The following CNNM2 variants were observed in gnomAD, a reference collection of about 807,000 sequenced individuals.
The protein encoded by CNNM2 is cyclin and CBS domain divalent metal cation transport mediator 2, also known as metal transporter CNNM2.
In CNNM2, 12 loss-of-function variants were observed where a neutral mutation model predicts 66.9. That is an observed-to-expected ratio of 0.18 (90% CI 0.11 to 0.29). The LOEUF is 0.29. Among genes scored for constraint, CNNM2 ranks in the 10% least tolerant of loss-of-function variants. The probability of loss-of-function intolerance (pLI) is 1.00; values close to 1 mark genes in which losing one functional copy is unlikely to be tolerated. For synonymous variants in CNNM2, 557 were observed against 501.8 expected (o/e 1.11, Z -1.47); for missense variants, 705 against 1,167.7 (o/e 0.60, Z 5.77).
At chr10:102,939,746 G>A (rs1846359571) in intron 1 of CNNM2, among the ~76,000 whole-genome samples, 2 of 152,026 alleles carry the variant, frequency 1.3e-5, no homozygotes, top group East Asian at 1.9e-4. Context: ...TGGTATGGAC[G>A]AATCACCTGA....
chr10:102,996,064 A>C (rs554261274), intron 1 of CNNM2, among the ~76,000 whole-genome samples: 2 of 152,184 alleles, frequency 1.3e-5, no homozygotes, highest in African/African-American at 4.8e-5. Flanking sequence ...GTGTGTATAG[A>C]ATTATCGTAT....
Position 102,918,346 on chromosome 10 carries a change from G to A in CNNM2, c.-135G>A, listed in dbSNP as rs1845485418. ...CGGGGTTCCTCAGCTGGCTGAGGTG[G>A]AGTCAGTGTCAGTCAGGGAGGCGAA... On this transcript the variant is annotated 5_prime_UTR_variant, in exon 1 of 8. Coordinates refer to ENST00000369878, the MANE Select transcript of CNNM2 (RefSeq NM_017649.5). The surrounding 1 kb of genome is among the most constrained non-coding windows in gnomAD (Gnocchi z 4.1). 1.4e-6 allele frequency: 2 copies of A among 1,412,262 alleles called. No individual in the cohort carries two copies. The highest frequency in any genetic ancestry group is 1.5e-5 in the African/African-American group (1 of 67,254). The allele number at this position is 1,412,262 out of a possible 1,614,324, so 87.5% of individuals were successfully genotyped here. A position where few individuals can be genotyped will look rare whatever the true frequency, so the allele number is the denominator to read the frequency against.
At chr10:103,024,986 A>G (rs991424242) in intron 1 of CNNM2, among the ~76,000 whole-genome samples, 1 of 152,204 alleles carries the variant, frequency 6.6e-6, no homozygotes, top group African/African-American at 2.4e-5. Context: ...TTTGGTGTGC[A>G]ATACTTTAGG....
At chr10:102,921,697 G>A (rs1411676026) in intron 1 of CNNM2, among the ~76,000 whole-genome samples, 1 of 151,872 alleles carries the variant, frequency 6.6e-6, no homozygotes, top group Non-Finnish European at 1.5e-5. Flanking sequence ...AGATATATTG[G>A]GATGTTTGGA....
At chr10:103,068,537 G>T in intron 4 of CNNM2, 92 bp from the exon 5 acceptor site, 2 of 1,055,930 alleles carry the variant, frequency 1.9e-6, no homozygotes, top group South Asian at 1.4e-5. Flanking sequence ...AAAGAAATCA[G>T]ACAAAAATCT....
intron 1 of CNNM2, among the ~76,000 whole-genome samples, chr10:102,972,905 T>C (rs2063567928): frequency 6.6e-6 from 1 of 152,174 alleles, no homozygotes; most frequent in Non-Finnish European, 1.5e-5. Flanking sequence ...TACAATCAAG[T>C]TTCTTTATCT....
intron 6 of CNNM2, among the ~76,000 whole-genome samples, chr10:103,074,982 C>T (rs1020331634): frequency 7.9e-5 from 12 of 152,114 alleles, no homozygotes; most frequent in African/African-American, 2.9e-4. Flanking sequence ...TTAAGGAGAC[C>T]ATCACTCTCT....
chr10:102,934,279 CT>C (rs35361809), intron 1 of CNNM2, among the ~76,000 whole-genome samples: 28 of 133,662 alleles, frequency 2.1e-4, no homozygotes, highest in South Asian at 2.4e-4. Context: ...TTCTTTCTTT[CT>C]TTTTTTTTTT....
intron 1 of CNNM2, among the ~76,000 whole-genome samples, chr10:103,010,910 G>A (rs977392966): frequency 6.6e-6 from 1 of 152,134 alleles, no homozygotes; most frequent in South Asian, 2.1e-4. Context: ...ACCGTGCCTG[G>A]CCGTGATATT....
At chr10:103,020,229 C>T (rs1390603054) in intron 1 of CNNM2, among the ~76,000 whole-genome samples, 4 of 151,796 alleles carry the variant, frequency 2.6e-5, no homozygotes, top group Admixed American at 2.6e-4. Flanking sequence ...GATCTCAGCT[C>T]ACTGCAACCT....
intron 1 of CNNM2, among the ~76,000 whole-genome samples, chr10:102,936,279 A>G (rs956129371): frequency 4.6e-5 from 7 of 152,192 alleles, no homozygotes; most frequent in African/African-American, 1.7e-4. Context: ...ATTAAAACTA[A>G]AAACAACTAG....
chr10:103,085,308 A>AT lies in CNNM2; in HGVS notation c.*8129dup, dbSNP rs1320438423. ...GGTCCAAAAAGTGACTTGTTTAAAG[A>AT]TACCCACACACTCAAGTCAAAGATA... On this transcript the variant is annotated 3_prime_UTR_variant, in exon 8 of 8. Coordinates refer to ENST00000369878, the MANE Select transcript of CNNM2 (RefSeq NM_017649.5). 1 of 152,192 alleles carries AT rather than the reference A, an allele frequency of 6.6e-6. No homozygotes were observed. The highest frequency in any genetic ancestry group is 1.5e-5 in the Non-Finnish European group (1 of 68,028). The allele number at this position is 152,192 out of a possible 1,614,324, so 9.4% of individuals were successfully genotyped here.
chr10:102,940,069 TGAAG>T (rs1477062904), intron 1 of CNNM2, among the ~76,000 whole-genome samples: 3 of 152,160 alleles, frequency 2.0e-5, no homozygotes, highest in Non-Finnish European at 2.9e-5. Flanking sequence ...TCAGGTAACT[TGAAG>T]TACATATGAA....
chr10:103,003,993 T>TC (rs1165916343), intron 1 of CNNM2, among the ~76,000 whole-genome samples: 1 of 127,998 alleles, frequency 7.8e-6, no homozygotes, highest in East Asian at 2.4e-4. Flanking sequence ...GAATTTTTTT[T>TC]TTTTTTTTTT....
chr10:102,986,544 A>G (rs2063800295), intron 1 of CNNM2, among the ~76,000 whole-genome samples: 1 of 152,070 alleles, frequency 6.6e-6, no homozygotes, highest in Admixed American at 6.6e-5. Flanking sequence ...GTACTTTGGG[A>G]GGCCGAGGTG....
At chr10:103,057,003 G>A in intron 4 of CNNM2, 39 bp downstream of exon 4, 2 of 1,577,764 alleles carry the variant, frequency 1.3e-6, no homozygotes, top group Non-Finnish European at 1.7e-6. Context: ...CTCTCACTGA[G>A]TATCCATCTT....
At chr10:102,942,545 A>G (rs532572477) in intron 1 of CNNM2, among the ~76,000 whole-genome samples, 124 of 152,250 alleles carry the variant, frequency 8.1e-4, no homozygotes, top group African/African-American at 2.6e-3. Context: ...TATGTGCCAC[A>G]TTTTGTTTAT....
At chr10:103,074,705 A>G (rs1240800427) in intron 6 of CNNM2, among the ~76,000 whole-genome samples, 1 of 152,086 alleles carries the variant, frequency 6.6e-6, no homozygotes, top group Admixed American at 6.5e-5. Context: ...ATGGTGGCAC[A>G]TGCCTATAGT....
chr10:103,067,906 G>T (rs1256269778), intron 4 of CNNM2, among the ~76,000 whole-genome samples: 1 of 152,220 alleles, frequency 6.6e-6, no homozygotes, highest in African/African-American at 2.4e-5. Flanking sequence ...GCCTCCAGGA[G>T]TGTAGACAGC....
Sources: gnomAD v4.1 joint callset for allele counts (sites outside exome capture counted in the v4.1 genomes callset) on GRCh38, gnomAD v4.1.1 for gene constraint, Gnocchi (gnomAD v3.1) non-coding constraint, MANE v1.5 for transcripts, NCBI Gene and HGNC (gene_info 2026-07-23, HGNC 2026-07-21) for gene names.